GPR158: variants seen among roughly 807,000 people sequenced by gnomAD.
GPR158 encodes the protein metabotropic glycine receptor.
In GPR158, 30 loss-of-function variants were observed where a neutral mutation model predicts 78.2. That is an observed-to-expected ratio of 0.38 (90% CI 0.29 to 0.52). The LOEUF (loss-of-function observed/expected upper bound fraction) is 0.52, where lower values mean the gene tolerates loss of function less well. Among genes scored for constraint, GPR158 ranks in the 20% least tolerant of loss-of-function variants. GPR158 has a pLI of 0.83. For missense variants in GPR158, 1,463 were observed against 1,523.5 expected (o/e 0.96, Z 0.66); for synonymous variants, 581 against 591.1 (o/e 0.98, Z 0.25).
intron 4 of GPR158, among the ~76,000 whole-genome samples, chr10:25,431,509 G>T (rs190315559): frequency 0.03 from 4,233 of 143,046 alleles, 92 homozygotes; most frequent in Non-Finnish European, 0.044. Flanking sequence ...CCATTACTGG[G>T]TATATACCCA....
chr10:25,521,099 C>T (rs560144905), intron 5 of GPR158, among the ~76,000 whole-genome samples: 1 of 152,366 alleles, frequency 6.6e-6, no homozygotes, highest in South Asian at 2.1e-4. Context: ...CGGAAAAGCG[C>T]AGTATTCGGG....
intron 2 of GPR158, among the ~76,000 whole-genome samples, chr10:25,365,494 C>T (rs1855708061): frequency 6.6e-6 from 1 of 151,620 alleles, no homozygotes; most frequent in Admixed American, 6.6e-5. Flanking sequence ...TGAGAAGCAG[C>T]CAAGTATTTG....
chr10:25,485,963 G>A (rs1291862651), intron 5 of GPR158, among the ~76,000 whole-genome samples: 1 of 152,084 alleles, frequency 6.6e-6, no homozygotes, highest in South Asian at 2.1e-4. Flanking sequence ...TTTAAAAGAG[G>A]CCTGAAAGAG....
chr10:25,321,034 C>T lies in GPR158; in HGVS notation c.1009-74877C>T, dbSNP rs184784259. Among the ~76,000 whole-genome samples, 60 of 152,288 alleles carry T rather than the reference C, an allele frequency of 3.9e-4. 4 individuals carry two copies. In the East Asian group the frequency reaches 8.5e-3, roughly 22 times the overall value. ...AGTAATATAAATGTTTCTGGATGGT[C>T]TAAGTGGACTTATTTTTAATCTGTT... On this transcript the variant is annotated intron_variant, in intron 2 of 10. Coordinates refer to ENST00000376351, the MANE Select transcript of GPR158 (RefSeq NM_020752.3).
In GPR158 at chr10:25,241,372, C is replaced by CTCT. The variant is rs1554787300; in HGVS notation, c.1008+20216_1008+20218dup. On this transcript the variant is annotated intron_variant, in intron 2 of 10. Coordinates refer to ENST00000376351, the MANE Select transcript of GPR158 (RefSeq NM_020752.3). ...TCTCTTTTCTTTTCTCTTTTCTTTT[C>CTCT]TCTCTTCTCTTCTCTTCTCTTCTCT... Among the ~76,000 whole-genome samples the CTCT allele has an allele frequency of 3.0e-3, 313 of 102,896 alleles. 3 individuals are homozygous for CTCT. Among genetic ancestry groups the CTCT allele is most frequent in the African/African-American group, 9.5e-3 (172 of 18,054 alleles). 67.5% of individuals were successfully genotyped at this position (102,896 alleles called of 152,430 possible). A position where few individuals can be genotyped will look rare whatever the true frequency, so the allele number is the denominator to read the frequency against.
intron 2 of GPR158, among the ~76,000 whole-genome samples, chr10:25,324,427 G>A (rs1411802997): frequency 6.6e-5 from 10 of 152,218 alleles, no homozygotes; most frequent in Admixed American, 4.6e-4. Context: ...CAGCTGGTTT[G>A]TGGAGCAGTC....
intron 3 of GPR158, among the ~76,000 whole-genome samples, chr10:25,398,638 T>C (rs908726055): frequency 6.6e-6 from 1 of 152,182 alleles, no homozygotes; most frequent in Non-Finnish European, 1.5e-5. Flanking sequence ...ACTCCTACTT[T>C]CTTCCTTATT....
chr10:25,551,872 A>G (rs1237919740), intron 6 of GPR158, among the ~76,000 whole-genome samples: 12 of 152,206 alleles, frequency 7.9e-5, no homozygotes. Flanking sequence ...TGTACTGATC[A>G]GCTTTAAAGC....
At chr10:25,278,634 TA>T (rs891553099) in intron 2 of GPR158, among the ~76,000 whole-genome samples, 2 of 151,594 alleles carry the variant, frequency 1.3e-5, no homozygotes, top group African/African-American at 2.4e-5. Context: ...TGTAAAATAA[TA>T]AAAACGAAGA....
At chr10:25,228,342 T>C (rs1312240235) in intron 2 of GPR158, among the ~76,000 whole-genome samples, 1 of 151,876 alleles carries the variant, frequency 6.6e-6, no homozygotes, top group Non-Finnish European at 1.5e-5. Flanking sequence ...AAAATATAAT[T>C]CATAAATATA....
intron 4 of GPR158, among the ~76,000 whole-genome samples, chr10:25,433,536 G>GTGTGTGTGTGTGTGTGT (rs150589257): frequency 0.021 from 2,722 of 131,798 alleles, 149 homozygotes; most frequent in African/African-American, 0.076. Context: ...TTAGGGGTGT[G>GTGTGTGTGTGTGTGTGT]TGTGTGTGTG....
chr10:25,363,457 C>T (rs776834583), intron 2 of GPR158, among the ~76,000 whole-genome samples: 4 of 151,874 alleles, frequency 2.6e-5, no homozygotes, highest in Non-Finnish European at 5.9e-5. Context: ...GCCTCACTAC[C>T]CAGTGTGCAC....
intron 10 of GPR158, among the ~76,000 whole-genome samples, chr10:25,597,429 C>A (rs925538213): frequency 3.3e-5 from 5 of 152,200 alleles, no homozygotes; most frequent in African/African-American, 9.7e-5. Context: ...GGTTAGAATA[C>A]ATGAGTTCGT....
chr10:25,188,559 C>G (rs1177053405), intron 1 of GPR158, among the ~76,000 whole-genome samples: 1 of 152,148 alleles, frequency 6.6e-6, no homozygotes, highest in Non-Finnish European at 1.5e-5. Context: ...TTAAATGGTG[C>G]TGGGAAAACT....
chr10:25,570,697 C>G (rs1478460707), intron 6 of GPR158, among the ~76,000 whole-genome samples: 1 of 152,062 alleles, frequency 6.6e-6, no homozygotes, highest in Non-Finnish European at 1.5e-5. Flanking sequence ...GGCAGATCAC[C>G]TGAGGTCAGG....
chr10:25,225,181 G>T (rs1853356952), intron 2 of GPR158, among the ~76,000 whole-genome samples: 2 of 122,162 alleles, frequency 1.6e-5, no homozygotes, highest in Admixed American at 7.7e-5. Flanking sequence ...TGGAACATTT[G>T]CCTTTTTTTT....
At chr10:25,461,785 T>C (rs1374256076) in intron 4 of GPR158, among the ~76,000 whole-genome samples, 1 of 147,254 alleles carries the variant, frequency 6.8e-6, no homozygotes, top group Non-Finnish European at 1.5e-5. Flanking sequence ...CAGGCTGGAG[T>C]GCAGTGGTGT....
At chr10:25,278,128 G>A (rs897155769) in intron 2 of GPR158, among the ~76,000 whole-genome samples, 5 of 152,032 alleles carry the variant, frequency 3.3e-5, no homozygotes, top group Admixed American at 2.6e-4. Flanking sequence ...TAATGAAAAT[G>A]ACAACAGGTT....
intron 7 of GPR158, among the ~76,000 whole-genome samples, chr10:25,574,469 G>A (rs1837060231): frequency 6.6e-6 from 1 of 152,176 alleles, no homozygotes. Flanking sequence ...TGGTGCAGTA[G>A]TAGTTTAGTA....
Sources: allele counts gnomAD v4.1 joint callset (sites outside exome capture counted in the v4.1 genomes callset), GRCh38; gene constraint gnomAD v4.1.1; transcripts MANE v1.5; gene names NCBI Gene and HGNC (gene_info 2026-07-23, HGNC 2026-07-21).